The following PIK3C2G variants were observed in gnomAD, a reference collection of about 807,000 sequenced individuals.
PIK3C2G encodes phosphatidylinositol-4-phosphate 3-kinase catalytic subunit type 2 gamma.
Under a neutral mutation model 181.1 loss-of-function variants are expected in PIK3C2G, and 168 were observed. That is an observed-to-expected ratio of 0.93 (90% confidence interval 0.82 to 1.05). The LOEUF is 1.05. Ranked by LOEUF, PIK3C2G falls within the 50% of genes least tolerant of loss-of-function variation. The probability of loss-of-function intolerance (pLI) is 0.00; values close to 1 mark genes in which losing one functional copy is unlikely to be tolerated. For synonymous variants in PIK3C2G, 573 were observed against 592.2 expected, an observed-to-expected ratio of 0.97 and a Z score of 0.47; for missense variants, 1,869 against 1,732.8, an observed-to-expected ratio of 1.08 and a Z score of -1.40.
rs1335190116 is a variant in PIK3C2G at position 18,496,891 on chromosome 12, T to C, written c.2887-728T>C. Among the ~76,000 whole-genome samples the C allele has an allele frequency of 9.9e-5, 15 of 152,150 alleles. 1 individual carries two copies. Among genetic ancestry groups the C allele is most frequent in the African/African-American group, 2.7e-4 (11 of 41,436 alleles). ...TAGTGGTCCCACAATGCTGTACTTT[T>C]CATGAAGGGGAAAAAAGAAAACACA... is the stretch of plus-strand genomic sequence containing the variant. On this transcript the variant is annotated intron_variant, in intron 21 of 32. Transcript: ENST00000538779.
At chr12:18,488,879 A>G (rs1224364376) in intron 19 of PIK3C2G, among the ~76,000 whole-genome samples, 2 of 152,056 alleles carry the variant, frequency 1.3e-5, no homozygotes, top group Non-Finnish European at 2.9e-5. Context: ...GAAAAGACCA[A>G]CGTATAGGCA....
At chr12:18,554,104 C>T (rs1418014236) in intron 26 of PIK3C2G, among the ~76,000 whole-genome samples, 1 of 151,952 alleles carries the variant, frequency 6.6e-6, no homozygotes, top group Non-Finnish European at 1.5e-5. Flanking sequence ...AGTTGAATAT[C>T]CTAAAATTGT....
chr12:18,464,064 T>G (rs1948059736), intron 18 of PIK3C2G, among the ~76,000 whole-genome samples: 1 of 152,066 alleles, frequency 6.6e-6, no homozygotes, highest in South Asian at 2.1e-4. Context: ...TACTAACAAA[T>G]CATAAATTGT....
intron 24 of PIK3C2G, among the ~76,000 whole-genome samples, chr12:18,523,792 A>G (rs1943061207): frequency 6.6e-6 from 1 of 152,114 alleles, no homozygotes; most frequent in Non-Finnish European, 1.5e-5. Flanking sequence ...GAGTACCGAA[A>G]CTTAGGGGAT....
At chr12:18,568,484 G>A (rs1233044450) in intron 29 of PIK3C2G, among the ~76,000 whole-genome samples, 2 of 151,958 alleles carry the variant, frequency 1.3e-5, no homozygotes, top group African/African-American at 4.8e-5. Context: ...GATTGTGGAG[G>A]TGCAAATCCA....
chr12:18,704,484 C>A, the PIK3C2G span, among the ~76,000 whole-genome samples: 1 of 152,084 alleles, frequency 6.6e-6, no homozygotes, highest in African/African-American at 2.4e-5. Flanking sequence ...TGCCACGACA[C>A]CCAGCTAATT....
intron 26 of PIK3C2G, among the ~76,000 whole-genome samples, chr12:18,561,477 T>TCCAGC (rs1484503893): frequency 6.6e-6 from 1 of 151,962 alleles, no homozygotes; most frequent in East Asian, 1.9e-4. Flanking sequence ...AGACCCTATC[T>TCCAGC]CTGAAAATAA....
chr12:18,683,291 C>G, the PIK3C2G span: 1 of 1,612,548 alleles, frequency 6.2e-7, no homozygotes, highest in South Asian at 1.1e-5. Flanking sequence ...AAGGCTCTCA[C>G]CCATTCTGGA....
At chr12:18,511,842 T>C (rs933624141) in intron 24 of PIK3C2G, among the ~76,000 whole-genome samples, 4 of 152,126 alleles carry the variant, frequency 2.6e-5, no homozygotes, top group African/African-American at 9.6e-5. Flanking sequence ...TTGTCTATTT[T>C]TGCTTTTGTT....
At chr12:18,506,848 T>C (rs909319714) in intron 24 of PIK3C2G, among the ~76,000 whole-genome samples, 7 of 152,052 alleles carry the variant, frequency 4.6e-5, no homozygotes, top group South Asian at 2.1e-4. Context: ...GAAATAATAA[T>C]ATTTCTTACA....
chr12:18,331,727 G>C (rs1019445812), intron 8 of PIK3C2G, among the ~76,000 whole-genome samples: 2 of 151,890 alleles, frequency 1.3e-5, no homozygotes, highest in Admixed American at 6.6e-5. Context: ...CAGAATCCCC[G>C]CCTTGCTATT....
chr12:18,550,876 A>G (rs1254800688), intron 26 of PIK3C2G, among the ~76,000 whole-genome samples: 4 of 152,030 alleles, frequency 2.6e-5, no homozygotes, highest in Admixed American at 2.6e-4. Flanking sequence ...CAATATTAGC[A>G]CTAAAGGGCT....
At chr12:18,547,397 T>G (rs1944489072) in intron 26 of PIK3C2G, among the ~76,000 whole-genome samples, 1 of 152,010 alleles carries the variant, frequency 6.6e-6, no homozygotes, top group Non-Finnish European at 1.5e-5. Context: ...ATGGGTGTGC[T>G]GCCCTTGTTG....
At chr12:18,462,212 G>A (rs1253437949) in intron 18 of PIK3C2G, among the ~76,000 whole-genome samples, 1 of 152,094 alleles carries the variant, frequency 6.6e-6, no homozygotes, top group Non-Finnish European at 1.5e-5. Context: ...TTTCTTCCTT[G>A]GGTAGCCTTT....
intron 14 of PIK3C2G, among the ~76,000 whole-genome samples, chr12:18,387,767 A>G (rs571562103): frequency 3.3e-5 from 5 of 152,346 alleles, no homozygotes; most frequent in Admixed American, 6.5e-5. Flanking sequence ...AAGGTATTAT[A>G]TCACAAACAT....
At chr12:18,284,760 C>T (rs1949370417) in intron 2 of PIK3C2G, among the ~76,000 whole-genome samples, 1 of 151,886 alleles carries the variant, frequency 6.6e-6, no homozygotes, top group African/African-American at 2.4e-5. Context: ...ATGTGCTTAA[C>T]AACAGATAGG....
Position 18,546,418 on chromosome 12 carries a change from A to C in PIK3C2G, c.3576A>C (p.Thr1192=). The C allele has an allele frequency of 6.3e-7, 1 of 1,580,658 alleles. No homozygotes were observed. Among genetic ancestry groups the C allele is most frequent in the East Asian group, 2.3e-5 (1 of 44,170 alleles). The change falls in exon 26 of 33, where the codon ACA becomes ACC. Residue 1192 remains threonine (T), a synonymous_variant. Transcript: ENST00000538779. ...LRPQDTDLEA[T]SHFTKKIKES... Reference sequence around the variant, plus strand: ...CACAAGACACAGACCTGGAAGCAACAAGTCATTTTACCAAGTAAGATCACC... The same window carrying C: ...CACAAGACACAGACCTGGAAGCAACCAGTCATTTTACCAAGTAAGATCACC...
Position 18,364,465 on chromosome 12 carries a change from T to C in PIK3C2G, c.1748+1579T>C, listed in dbSNP as rs1013495631. Among the ~76,000 whole-genome samples, 7 of 152,242 alleles carry C rather than the reference T, an allele frequency of 4.6e-5. No homozygotes were observed. In the East Asian group the frequency reaches 1.3e-3, roughly 29 times the overall value. On this transcript the variant is annotated intron_variant, in intron 12 of 32. Coordinates refer to ENST00000538779, the MANE Select transcript of PIK3C2G (RefSeq NM_001288772.2). Reference sequence around the variant, plus strand: ...TACCTACTGTTTGTTTAGATTTCTGTATGCTCCTACCGAATAATACAAAGA... The same window carrying C: ...TACCTACTGTTTGTTTAGATTTCTGCATGCTCCTACCGAATAATACAAAGA...
chr12:18,605,860 AC>A (rs1418675967), intron 30 of PIK3C2G, among the ~76,000 whole-genome samples: 1 of 152,076 alleles, frequency 6.6e-6, no homozygotes, highest in East Asian at 1.9e-4. Context: ...GCTTATAAAC[AC>A]AGGCTTTGGA....
Sources: gnomAD v4.1 joint callset for allele counts (sites outside exome capture counted in the v4.1 genomes callset) on GRCh38, gnomAD v4.1.1 for gene constraint, MANE v1.5 for transcripts, NCBI Gene and HGNC (gene_info 2026-07-23, HGNC 2026-07-21) for gene names.